TET3: variants seen among roughly 807,000 people sequenced by gnomAD.
The protein encoded by TET3 is tet methylcytosine dioxygenase 3.
In TET3, 19 loss-of-function variants were observed where a neutral mutation model predicts 141.4. That is an observed-to-expected ratio of 0.13 (90% confidence interval 0.09 to 0.20). TET3 has a LOEUF of 0.20. Among genes scored for constraint, TET3 ranks in the 10% least tolerant of loss-of-function variants. The pLI is 1.00. For missense variants in TET3, 1,874 were observed against 2,356.9 expected, an observed-to-expected ratio of 0.80 and a Z score of 4.24; for synonymous variants, 1,043 against 980.9, an observed-to-expected ratio of 1.06 and a Z score of -1.18.
Position 74,090,026 on chromosome 2 carries a change from C to T in TET3, c.3018C>T (p.Leu1006=), listed in dbSNP as rs1467368228. ...GCAAGACACCTCGCAAGTTCCGCCT[C>T]GCAGGGGACAATCCCAAAGAGGTGA... ...ARSKTPRKFR[L]AGDNPKEEEV... is the part of the protein sequence containing the mutation. Residue 1006 remains leucine, a synonymous_variant, in exon 8 of 12, where the codon CTC becomes CTT. Coordinates refer to ENST00000409262, the MANE Select transcript of TET3 (RefSeq NM_001287491.2). 8.7e-6 allele frequency: 14 copies of T among 1,613,884 alleles called. No individual in the cohort carries two copies. The highest frequency in any genetic ancestry group is 1.7e-5 in the Admixed American group (1 of 60,006).
Position 74,102,019 on chromosome 2 carries a change from G to T in TET3, c.5231G>T (p.Arg1744Leu). Residue 1744 changes from arginine to leucine, a missense_variant, in exon 12 of 12, where the codon CGC becomes CTC. Arg to Leu is a moderately radical substitution (Grantham distance 102, BLOSUM62 -2). Around this residue, in one of 10 missense-constraint regions of TET3, gnomAD observed 113 missense variants for 114.3 expected, o/e 0.99. Coordinates refer to ENST00000409262, the MANE Select transcript of TET3 (RefSeq NM_001287491.2). ...QQEAKLYGKK[R>L]KWGGTVVAEP... ...GAGGCCAAGCTCTACGGGAAGAAGCGCAAGTGGGGGGGCACTGTGGTTGCT... is the reference window on the plus strand; with the variant it reads ...GAGGCCAAGCTCTACGGGAAGAAGCTCAAGTGGGGGGGCACTGTGGTTGCT... 1 of 1,576,876 alleles carries T rather than the reference G, an allele frequency of 6.3e-7. No homozygotes were observed. Among genetic ancestry groups the T allele is most frequent in the Non-Finnish European group, 8.6e-7 (1 of 1,159,576 alleles).
intron 5 of TET3, among the ~76,000 whole-genome samples, chr2:74,076,734 G>T (rs1339363338): frequency 1.3e-5 from 2 of 152,008 alleles, no homozygotes; most frequent in Non-Finnish European, 2.9e-5. Context: ...CTGGGTAGGG[G>T]TCTAGTTTGT....
chr2:74,096,873 C>T (rs1171654583), intron 10 of TET3, among the ~76,000 whole-genome samples: 1 of 152,054 alleles, frequency 6.6e-6, no homozygotes, highest in Non-Finnish European at 1.5e-5. Context: ...GGGAGGCTCA[C>T]TTGAGCCCAG....
chr2:74,115,595 A>T, the TET3 span, among the ~76,000 whole-genome samples: 1 of 152,330 alleles, frequency 6.6e-6, no homozygotes, highest in Admixed American at 6.5e-5. Context: ...GTTAATTTGG[A>T]TAGAGCTAAA....
the TET3 span, among the ~76,000 whole-genome samples, chr2:74,117,657 C>T: frequency 1.3e-5 from 2 of 152,176 alleles, no homozygotes; most frequent in Non-Finnish European, 2.9e-5. Flanking sequence ...ACAGTTGTCC[C>T]TTGAGCAACA....
In TET3 at chr2:74,087,403, A is replaced by G. The variant is rs1379975185; in HGVS notation, c.2680-427A>G. Among the ~76,000 whole-genome samples, 1 of 152,108 alleles carries G rather than the reference A, an allele frequency of 6.6e-6. No individual in the cohort carries two copies. Among genetic ancestry groups the G allele is most frequent in the Admixed American group, 6.5e-5 (1 of 15,282 alleles). On this transcript the variant is annotated intron_variant, in intron 6 of 11. Transcript: ENST00000409262. The surrounding 1 kb of genome is among the most constrained non-coding windows in gnomAD (Gnocchi z 4.3). ...TGGAGGCATTGCCAGACTGTTTTCC[A>G]CAGTGCCAAGCCCCTTGCATGTTAA...
chr2:74,092,580 G>A (rs1391682891), intron 8 of TET3, among the ~76,000 whole-genome samples: 1 of 152,130 alleles, frequency 6.6e-6, no homozygotes, highest in Non-Finnish European at 1.5e-5. Flanking sequence ...TCTGACCTAC[G>A]GTGTTCAGCA....
At chr2:74,133,071 TA>T in the TET3 span, among the ~76,000 whole-genome samples, 340 of 131,124 alleles carry the variant, frequency 2.6e-3, 3 homozygotes, top group African/African-American at 0.01. Context: ...CTAATTTTTG[TA>T]TTTTTTTTTT....
In TET3 at chr2:74,047,595, T is replaced by C; in HGVS notation, c.1678T>C (p.Trp560Arg). 1 of 1,613,864 alleles carries C rather than the reference T, an allele frequency of 6.2e-7. No homozygotes were observed. Among genetic ancestry groups the C allele is most frequent in the Non-Finnish European group, 8.5e-7 (1 of 1,179,854 alleles). The change falls in exon 4 of 12, where the codon TGG becomes CGG. Residue 560 changes from tryptophan to arginine, a missense_variant. Transcript: ENST00000409262. ...TTCAGAGCCTTCTGCTCCTGGCTGG[T>C]GGCCCCCACCAAGTTCACCTGTCCC... Reference protein sequence around the residue: ...APSEPSAPGWWPPPSSPVPRL... With the variant: ...APSEPSAPGWRPPPSSPVPRL...
downstream of TET3, among the ~76,000 whole-genome samples, chr2:74,113,169 T>A (rs1691746376): frequency 6.6e-6 from 1 of 151,654 alleles, no homozygotes; most frequent in Non-Finnish European, 1.5e-5. Flanking sequence ...GGCAGGCAGA[T>A]CACGAGGTAG....
chr2:74,108,307 G>A (rs987676300), downstream of TET3: 1 of 153,804 alleles, frequency 6.5e-6, no homozygotes, highest in East Asian at 1.9e-4. Flanking sequence ...AGCAGCAGCG[G>A]AACCTGGCCT....
chr2:74,020,327 G>T (rs576585169), intron 3 of TET3, among the ~76,000 whole-genome samples: 56 of 152,252 alleles, frequency 3.7e-4, no homozygotes, highest in African/African-American at 1.3e-3. Context: ...GGGACTACAG[G>T]TGCATACCAC....
chr2:74,058,914 CAG>C (rs1358567942), intron 4 of TET3, among the ~76,000 whole-genome samples: 3 of 152,172 alleles, frequency 2.0e-5, no homozygotes, highest in African/African-American at 7.2e-5. Flanking sequence ...ATGAAAATAT[CAG>C]AGTCTGTAAA....
chr2:74,043,860 C>G (rs576793504), intron 3 of TET3, among the ~76,000 whole-genome samples: 1 of 152,072 alleles, frequency 6.6e-6, no homozygotes, highest in East Asian at 1.9e-4. Context: ...TTTTAGCCAC[C>G]TACTTAAAAC....
chr2:73,986,637 C>A lies in TET3; in HGVS notation c.234C>A (p.Arg78=), dbSNP rs1684040844. 1 of 1,232,150 alleles carries A rather than the reference C, an allele frequency of 8.1e-7. No individual in the cohort carries two copies. The highest frequency in any genetic ancestry group is 4.2e-5 in the Admixed American group (1 of 23,722). The allele number at this position is 1,232,150 out of a possible 1,614,324, so 76.3% of individuals were successfully genotyped here. Residue 78 remains arginine (R), a synonymous_variant, in exon 2 of 12, where the codon CGC becomes CGA. Transcript: ENST00000409262. ...GCGCTTGCACTAGCTGTACCAACCG[C>A]CGCACGCACCAGATCTGCAAACTGC... is the stretch of plus-strand genomic sequence containing the variant. The part of the protein sequence containing the change: ...NCGACTSCTN[R]RTHQICKLRK...
chr2:74,019,767 G>A (rs986227950), intron 3 of TET3, among the ~76,000 whole-genome samples: 1 of 152,152 alleles, frequency 6.6e-6, no homozygotes, highest in Non-Finnish European at 1.5e-5. Flanking sequence ...CACCCTCCTT[G>A]TCCCCGCAGG....
intron 2 of TET3, among the ~76,000 whole-genome samples, chr2:73,989,522 T>G (rs557693235): frequency 6.6e-6 from 1 of 152,260 alleles, no homozygotes; most frequent in Admixed American, 6.5e-5. Context: ...CTCCTCACTC[T>G]TTTTCTCTGG....
the TET3 span, among the ~76,000 whole-genome samples, chr2:74,127,751 T>C: frequency 6.6e-6 from 1 of 151,856 alleles, no homozygotes; most frequent in Non-Finnish European, 1.5e-5. Context: ...GCTTAATAGG[T>C]TTGTATAGGG....
At position 74,087,136 on chromosome 2, in the gene TET3, A is replaced by G. The variant is rs1214630153; in HGVS notation, c.2680-694A>G. ...TTTTGGGGTTCATCCATGTTGTAAC[A>G]TGGATCAGAATTTTGTTTCTCTTTA... On this transcript the variant is annotated intron_variant, in intron 6 of 11. Coordinates refer to ENST00000409262, the MANE Select transcript of TET3 (RefSeq NM_001287491.2). The surrounding 1 kb of genome is among the most constrained non-coding windows in gnomAD (Gnocchi z 4.3). 3.3e-5 allele frequency among the ~76,000 whole-genome samples: 5 copies of G among 152,272 alleles called. No individual in the cohort carries two copies. Among genetic ancestry groups the G allele is most frequent in the Middle Eastern group, 3.4e-3 (1 of 294 alleles).
Sources: gnomAD v4.1 joint callset for allele counts (sites outside exome capture counted in the v4.1 genomes callset) on GRCh38, gnomAD v4.1.1 for gene constraint, gnomAD v4.1.1 regional missense constraint, Gnocchi (gnomAD v3.1) non-coding constraint, MANE v1.5 for transcripts, NCBI Gene and HGNC (gene_info 2026-07-23, HGNC 2026-07-21) for gene names.